Variants in IGSF9B observed in about 807,000 individuals in gnomAD.
IGSF9B encodes the protein immunoglobulin superfamily member 9B.
A neutral mutation model predicts 143.7 loss-of-function variants in IGSF9B; 48 were observed. The observed-to-expected ratio is 0.33, with a 90% CI of 0.26 to 0.42. The LOEUF is 0.42. Among genes scored for constraint, IGSF9B ranks in the 20% least tolerant of loss-of-function variants. The probability of loss-of-function intolerance (pLI) is 1.00; values close to 1 mark genes in which losing one functional copy is unlikely to be tolerated. For synonymous variants in IGSF9B, 903 were observed against 833.1 expected (o/e 1.08, Z -1.44); for missense variants, 1,706 against 1,980.0 (o/e 0.86, Z 2.63).
intron 18 of IGSF9B, among the ~76,000 whole-genome samples, chr11:133,915,268 C>T (rs502238): frequency 0.017 from 1,503 of 86,768 alleles, 48 homozygotes; most frequent in African/African-American, 0.036. Flanking sequence ...CTCTCTCTCT[C>T]TTTTTTTTTT....
chr11:133,952,238 G>A (rs73034295), intron 1 of IGSF9B: 52,808 of 347,412 alleles, frequency 0.15, 5,085 homozygotes, highest in Non-Finnish European at 0.2. Context: ...CATGGGCAGC[G>A]CCTTTTGGGG....
Position 133,902,700 on chromosome 11 carries a change from C to T in IGSF9B, c.*6369G>A, listed in dbSNP as rs974363126. ...AGAAGGACACATGAGACAATCCCTT[C>T]TCCAGCCCTGCCAGGACACCGTCGG... On this transcript the variant is annotated 3_prime_UTR_variant, in exon 20 of 20. Transcript: ENST00000533871. Among the ~76,000 whole-genome samples the T allele has an allele frequency of 1.3e-5, 2 of 152,212 alleles. No homozygotes were observed. The highest frequency in any genetic ancestry group is 2.4e-5 in the African/African-American group (1 of 41,454).
chr11:133,911,551 T>C (rs1001133222), intron 19 of IGSF9B, among the ~76,000 whole-genome samples: 1 of 152,210 alleles, frequency 6.6e-6, no homozygotes, highest in Admixed American at 6.5e-5. Flanking sequence ...ATAGGATACA[T>C]TTTCTGAAGC....
chr11:133,935,437 C>T (rs1939804613), intron 7 of IGSF9B, among the ~76,000 whole-genome samples, 180 bp downstream of exon 7: 1 of 152,216 alleles, frequency 6.6e-6, no homozygotes, highest in Non-Finnish European at 1.5e-5. Flanking sequence ...AGCTGCTCCA[C>T]CCCAACTGTC....
chr11:133,946,456 C>T (rs1940054476), intron 1 of IGSF9B, among the ~76,000 whole-genome samples, 198 bp from the exon 2 acceptor site: 1 of 152,050 alleles, frequency 6.6e-6, no homozygotes, highest in Non-Finnish European at 1.5e-5. Context: ...TGTCCTGGGG[C>T]CCCCAGGCAT....
Position 133,919,866 on chromosome 11 carries a change from G to A in IGSF9B, c.3859C>T (p.Pro1287Ser). ...TLATGYPSPP[P>S]GPAPAGPGDS... ...CCAGGCCCAGCAGGGGCGGGGCCGGGTGGAGGGGAAGGGTAGCCGGTGGCC... is the reference window on the plus strand; with the variant it reads ...CCAGGCCCAGCAGGGGCGGGGCCGGATGGAGGGGAAGGGTAGCCGGTGGCC... Residue 1287 changes from proline (P) to serine (S), a missense_variant, in exon 18 of 20, where the codon CCC becomes TCC. Pro to Ser is a moderately conservative substitution (Grantham distance 74). This residue lies in a region of IGSF9B where 880 missense variants were observed against 762.9 expected (regional missense o/e 1.15). Coordinates refer to ENST00000533871, the MANE Select transcript of IGSF9B (RefSeq NM_001277285.4). 1 of 1,584,914 alleles carries A rather than the reference G, an allele frequency of 6.3e-7. No homozygotes were observed. The highest frequency in any genetic ancestry group is 8.6e-7 in the Non-Finnish European group (1 of 1,164,620).
chr11:133,902,312 G>A lies in IGSF9B; in HGVS notation c.*6757C>T, dbSNP rs547018807. ...ACATCACACATACACGCACACCACA[G>A]ATACACACACACCATACCACACACA... On this transcript the variant is annotated 3_prime_UTR_variant, in exon 20 of 20. Coordinates refer to ENST00000533871, the MANE Select transcript of IGSF9B (RefSeq NM_001277285.4). Among the ~76,000 whole-genome samples, 1 of 121,850 alleles carries A rather than the reference G, an allele frequency of 8.2e-6. No individual in the cohort carries two copies. The highest frequency in any genetic ancestry group is 3.2e-5 in the African/African-American group (1 of 31,372). 79.9% of individuals were successfully genotyped at this position (121,850 alleles called of 152,430 possible).
At chr11:133,934,408 C>T (rs1334123531) in intron 7 of IGSF9B, among the ~76,000 whole-genome samples, 1 of 152,238 alleles carries the variant, frequency 6.6e-6, no homozygotes, top group Non-Finnish European at 1.5e-5. Flanking sequence ...CCCAGCACAG[C>T]TTGGGCACAT....
Position 133,931,892 on chromosome 11 carries a change from G to A in IGSF9B, c.1111-97C>T. 1 of 1,539,466 alleles carries A rather than the reference G, an allele frequency of 6.5e-7. No individual in the cohort carries two copies. Among genetic ancestry groups the A allele is most frequent in the African/African-American group, 1.4e-5 (1 of 71,988 alleles). ...GCTGGGCCAGGCAGCACGCAGGATA[G>A]TACAGGAGCTCCAGCCCGGGGCGGG... On this transcript the variant is annotated intron_variant, in intron 8 of 19. Transcript: ENST00000533871. This position sits in a 1 kb window ranked among gnomAD's most constrained non-coding sequence, Gnocchi z 7.7.
chr11:133,951,701 C>G (rs2121349791), intron 1 of IGSF9B, among the ~76,000 whole-genome samples: 1 of 152,352 alleles, frequency 6.6e-6, no homozygotes, highest in African/African-American at 2.4e-5. Context: ...CCTCTCCCCA[C>G]CTGGGCAGAG....
intron 3 of IGSF9B, among the ~76,000 whole-genome samples, chr11:133,942,057 G>A (rs972166081): frequency 3.3e-5 from 5 of 152,106 alleles, no homozygotes; most frequent in East Asian, 3.9e-4. Flanking sequence ...ACTATGTTTC[G>A]AATGGATAAC....
At chr11:133,922,328 G>T (rs1285757973) in intron 16 of IGSF9B, 106 bp from the exon 17 acceptor site, 5 of 1,152,550 alleles carry the variant, frequency 4.3e-6, no homozygotes, top group Non-Finnish European at 6.4e-6. Flanking sequence ...CACAGGGAAG[G>T]AGCTGCTCAC....
chr11:133,920,929 G>C lies in IGSF9B; in HGVS notation c.2796C>G (p.Phe932Leu). 1.2e-6 allele frequency: 2 copies of C among 1,610,142 alleles called. No individual in the cohort carries two copies. Among genetic ancestry groups the C allele is most frequent in the South Asian group, 2.2e-5 (2 of 91,014 alleles). ...CGGGGCCCTCCAGCCCGCGGGGCTGGAACCGAGGGCTGTATGCTGGTGGTG... is the reference window on the plus strand; with the variant it reads ...CGGGGCCCTCCAGCCCGCGGGGCTGCAACCGAGGGCTGTATGCTGGTGGTG... ...YLPPPAYSPRFQPRGLEGPGG... is the reference protein window; with the variant it reads ...YLPPPAYSPRLQPRGLEGPGG... Residue 932 changes from phenylalanine (F) to leucine (L), a missense_variant, in exon 18 of 20, where the codon TTC (phenylalanine) becomes TTG (leucine). By Grantham distance (22) the Phe-to-Leu change is conservative (BLOSUM62 0). This residue lies in a region of IGSF9B where 880 missense variants were observed against 762.9 expected (regional missense o/e 1.15). Transcript: ENST00000533871.
intron 6 of IGSF9B, 30 bp downstream of exon 6, chr11:133,936,023 C>T (rs373503727): frequency 6.2e-7 from 1 of 1,609,140 alleles, no homozygotes; most frequent in Non-Finnish European, 8.5e-7. Flanking sequence ...GGGTGGCAAC[C>T]TCATTGAAAA....
Position 133,909,407 on chromosome 11 carries a change from A to G in IGSF9B, c.4106-130T>C, listed in dbSNP as rs779420067. On this transcript the variant is annotated intron_variant, in intron 19 of 19. Coordinates refer to ENST00000533871, the MANE Select transcript of IGSF9B (RefSeq NM_001277285.4). This position sits in a 1 kb window ranked among gnomAD's most constrained non-coding sequence, Gnocchi z 4.2. The stretch of plus-strand genomic sequence containing the variant: ...TGAAACAAAGGAATCACCTGAGTCT[A>G]GAGAGACCAGACCGAATTGCTGCAG... 9 of 759,040 alleles carry G rather than the reference A, an allele frequency of 1.2e-5. No individual in the cohort carries two copies. The highest frequency in any genetic ancestry group is 1.7e-5 in the African/African-American group (1 of 57,460). The allele number at this position is 759,040 out of a possible 1,614,324, so 47.0% of individuals were successfully genotyped here.
At position 133,956,120 on chromosome 11, in the gene IGSF9B, C is replaced by G. The variant is rs1055202852; in HGVS notation, c.64+571G>C. 4.6e-5 allele frequency among the ~76,000 whole-genome samples: 7 copies of G among 152,134 alleles called. No individual in the cohort carries two copies. In the East Asian group the frequency reaches 1.4e-3, roughly 30 times the overall value. On this transcript the variant is annotated intron_variant, in intron 1 of 19. Transcript: ENST00000533871. The stretch of plus-strand genomic sequence containing the variant: ...CACCGGGCGCCCCTGCTAGGGGGAT[C>G]CGACCTCCAGCTGCCAAGATGTGTG...
intron 18 of IGSF9B, 101 bp downstream of exon 18, chr11:133,919,635 CGCACGA>C (rs1383573682): frequency 1.3e-6 from 1 of 743,680 alleles, no homozygotes; most frequent in East Asian, 3.3e-5. Context: ...GCGGCATGTC[CGCACGA>C]GCCCTGTCGC....
chr11:133,939,974 TCA>T (rs1208650025), intron 3 of IGSF9B, among the ~76,000 whole-genome samples: 1 of 144,028 alleles, frequency 6.9e-6, no homozygotes, highest in African/African-American at 2.6e-5. Context: ...GCATGCGTCA[TCA>T]CATACAGAAA....
rs1454957020 is a variant in IGSF9B, at chr11:133,948,816, G to A, written c.65-2558C>T. Among the ~76,000 whole-genome samples the A allele has an allele frequency of 6.6e-6, 1 of 152,234 alleles. No homozygotes were observed. The highest frequency in any genetic ancestry group is 1.5e-5 in the Non-Finnish European group (1 of 68,044). Reference sequence around the variant, plus strand: ...GGCTTTGGCCCAGGCAGGAGGAACAGAGGCCTAGGGGGACAGCAGGCACCT... The same window carrying A: ...GGCTTTGGCCCAGGCAGGAGGAACAAAGGCCTAGGGGGACAGCAGGCACCT... On this transcript the variant is annotated intron_variant, in intron 1 of 19. Transcript: ENST00000533871. This position sits in a 1 kb window ranked among gnomAD's most constrained non-coding sequence, Gnocchi z 4.7.
Sources: allele counts gnomAD v4.1 joint callset (sites outside exome capture counted in the v4.1 genomes callset), GRCh38; gene constraint gnomAD v4.1.1; regional missense constraint gnomAD v4.1.1; non-coding constraint Gnocchi (gnomAD v3.1); transcripts MANE v1.5; gene names NCBI Gene and HGNC (gene_info 2026-07-23, HGNC 2026-07-21).